Variants in THSD7B observed in about 807,000 individuals in gnomAD.
The protein encoded by THSD7B is thrombospondin type 1 domain containing 7B, also known as thrombospondin type-1 domain-containing protein 7B.
THSD7B carries 138 observed loss-of-function variants against 213.6 expected under a neutral mutation model. The observed-to-expected ratio is 0.65, with a 90% CI of 0.56 to 0.74. The LOEUF (loss-of-function observed/expected upper bound fraction) is 0.74, where lower values mean the gene tolerates loss of function less well. Ranked by LOEUF, THSD7B falls within the 30% of genes least tolerant of loss-of-function variation. The probability of loss-of-function intolerance (pLI) is 0.00; values close to 1 mark genes in which losing one functional copy is unlikely to be tolerated. For synonymous variants in THSD7B, 742 were observed against 687.0 expected (o/e 1.08, Z -1.25); for missense variants, 1,931 against 1,991.5 (o/e 0.97, Z 0.58).
At position 136,777,214 on chromosome 2, in the gene THSD7B, C is replaced by T. The variant is rs572309461; in HGVS notation, c.-36+11527C>T. Among the ~76,000 whole-genome samples, 9 of 152,108 alleles carry T rather than the reference C, an allele frequency of 5.9e-5. No homozygotes were observed. The South Asian group carries it at 8.3e-4, about 14-fold the overall frequency. On this transcript the variant is annotated intron_variant, in intron 1 of 27. Transcript: ENST00000409968. ...AAAAACGAATGGGAAAGAAATGAAA[C>T]GGTGGGTGATGTAGTGAAATTGAAG...
rs2044434 is a variant in THSD7B at position 137,671,247 on chromosome 2, T to A, written c.4739+3386T>A. Among the ~76,000 whole-genome samples the A allele has an allele frequency of 6.6e-3, 884 of 133,462 alleles. 5 individuals are homozygous for A. The highest frequency in any genetic ancestry group is 0.019 in the African/African-American group (580 of 31,188). The allele number at this position is 133,462 out of a possible 152,430, so 87.6% of individuals were successfully genotyped here. On this transcript the variant is annotated intron_variant, in intron 27 of 27. Coordinates refer to ENST00000409968, the MANE Select transcript of THSD7B (RefSeq NM_001316349.2). Reference sequence around the variant, plus strand: ...TATTTATGATTTGCTTTTTTTTTTTTAAAAAAAAAAAAAAAGCTTGTGGTA... The same window carrying A: ...TATTTATGATTTGCTTTTTTTTTTTAAAAAAAAAAAAAAAAGCTTGTGGTA...
Position 137,663,472 on chromosome 2 carries a change from G to A in THSD7B, c.4548G>A (p.Glu1516=), listed in dbSNP as rs1437299380. Residue 1516 remains glutamate, a synonymous_variant, in exon 26 of 28, where the codon GAG becomes GAA. Transcript: ENST00000409968. ...ACTGCATGAAAGTACCAGGCTCAGA[G>A]GATAAAAAAGCTGATGTGAAAAACC... The part of the protein sequence containing the change: ...LDYCMKVPGS[E]DKKADVKNLS... The A allele has an allele frequency of 4.4e-6, 7 of 1,600,402 alleles. No individual in the cohort carries two copies. The highest frequency in any genetic ancestry group is 6.0e-6 in the Non-Finnish European group (7 of 1,172,674).
At chr2:137,068,097 C>T (rs996411165) in intron 3 of THSD7B, among the ~76,000 whole-genome samples, 1 of 151,988 alleles carries the variant, frequency 6.6e-6, no homozygotes, top group Non-Finnish European at 1.5e-5. Flanking sequence ...TATGCCTTGC[C>T]TACTTTGGAG....
intron 2 of THSD7B, among the ~76,000 whole-genome samples, chr2:136,906,014 G>A (rs955929060): frequency 1.3e-5 from 2 of 152,214 alleles, no homozygotes; most frequent in Non-Finnish European, 2.9e-5. Flanking sequence ...CCCCTCAATA[G>A]TGAGAAACAC....
At chr2:137,107,630 A>T (rs1471080330) in intron 4 of THSD7B, among the ~76,000 whole-genome samples, 1 of 152,350 alleles carries the variant, frequency 6.6e-6, no homozygotes, top group South Asian at 2.1e-4. Flanking sequence ...AATTGTTTCA[A>T]TAGAAGACTC....
chr2:137,213,934 A>G (rs1486344804), intron 7 of THSD7B, among the ~76,000 whole-genome samples: 6 of 152,150 alleles, frequency 3.9e-5, no homozygotes, highest in Non-Finnish European at 7.4e-5. Flanking sequence ...TGACATTTTT[A>G]GAATCTACTT....
chr2:137,623,105 C>A (rs527905949), intron 20 of THSD7B, among the ~76,000 whole-genome samples: 1 of 152,286 alleles, frequency 6.6e-6, no homozygotes, highest in South Asian at 2.1e-4. Flanking sequence ...CCGAATCCAG[C>A]AGCACATCAA....
At chr2:137,448,835 AC>A (rs66901349) in intron 14 of THSD7B, among the ~76,000 whole-genome samples, 4 of 149,772 alleles carry the variant, frequency 2.7e-5, no homozygotes, top group African/African-American at 1.0e-4. Context: ...AACAACAACA[AC>A]AAAAACTACC....
intron 20 of THSD7B, among the ~76,000 whole-genome samples, chr2:137,631,321 C>T (rs1682738114): frequency 6.6e-6 from 1 of 152,062 alleles, no homozygotes; most frequent in Non-Finnish European, 1.5e-5. Flanking sequence ...ATGTAGAACT[C>T]CCTAAATTTA....
chr2:137,675,096 A>G (rs1029003812), intron 27 of THSD7B, among the ~76,000 whole-genome samples: 1 of 152,104 alleles, frequency 6.6e-6, no homozygotes, highest in Non-Finnish European at 1.5e-5. Flanking sequence ...GACCAGATAC[A>G]GCATGATTCC....
chr2:137,157,910 TTTG>T (rs1679941557), intron 5 of THSD7B, among the ~76,000 whole-genome samples: 1 of 152,164 alleles, frequency 6.6e-6, no homozygotes, highest in Admixed American at 6.5e-5. Flanking sequence ...TTACCAAGGT[TTTG>T]TTTTTGGAAC....
chr2:137,506,661 A>G (rs13382553), intron 15 of THSD7B, among the ~76,000 whole-genome samples: 30,586 of 152,146 alleles, frequency 0.2, 3,240 homozygotes, highest in South Asian at 0.28. Flanking sequence ...AAAATGCTTC[A>G]GAGAGTGGAC....
intron 2 of THSD7B, among the ~76,000 whole-genome samples, chr2:136,967,446 C>G (rs958530583): frequency 6.6e-6 from 1 of 152,204 alleles, no homozygotes; most frequent in Non-Finnish European, 1.5e-5. Context: ...GTAACTCTGT[C>G]TCATTCTCTC....
chr2:136,879,846 A>G (rs2104989329), intron 1 of THSD7B, among the ~76,000 whole-genome samples: 1 of 152,306 alleles, frequency 6.6e-6, no homozygotes, highest in South Asian at 2.1e-4. Flanking sequence ...CTTTAAACCA[A>G]CAAAGATCAA....
At chr2:137,575,178 T>A (rs1292646097) in intron 17 of THSD7B, among the ~76,000 whole-genome samples, 2 of 151,984 alleles carry the variant, frequency 1.3e-5, no homozygotes, top group Non-Finnish European at 2.9e-5. Context: ...ATAATAGCTA[T>A]TTTTTTCAGA....
At chr2:136,941,407 T>A (rs530546249) in intron 2 of THSD7B, among the ~76,000 whole-genome samples, 1 of 152,320 alleles carries the variant, frequency 6.6e-6, no homozygotes, top group Non-Finnish European at 1.5e-5. Context: ...TATTTCTAGT[T>A]CTAGATCCTC....
chr2:137,535,909 T>C (rs1477856975), intron 15 of THSD7B, among the ~76,000 whole-genome samples: 2 of 151,234 alleles, frequency 1.3e-5, no homozygotes, highest in Non-Finnish European at 3.0e-5. Flanking sequence ...TCTCTTGTCA[T>C]GGAGGAACAG....
chr2:136,839,332 A>G (rs185341817), intron 1 of THSD7B, among the ~76,000 whole-genome samples: 43 of 152,320 alleles, frequency 2.8e-4, no homozygotes, highest in African/African-American at 9.4e-4. Context: ...GAGAAATGGA[A>G]GAACTGTTTT....
chr2:137,285,394 A>T (rs1683146220), intron 12 of THSD7B, among the ~76,000 whole-genome samples: 1 of 152,090 alleles, frequency 6.6e-6, no homozygotes, highest in African/African-American at 2.4e-5. Flanking sequence ...CATGTAGCCC[A>T]TTAGCATTTA....
Sources: allele counts gnomAD v4.1 joint callset (sites outside exome capture counted in the v4.1 genomes callset), GRCh38; gene constraint gnomAD v4.1.1; transcripts MANE v1.5; gene names NCBI Gene and HGNC (gene_info 2026-07-23, HGNC 2026-07-21).